Variants in CCDC30 observed in about 807,000 individuals in gnomAD.
CCDC30 encodes coiled-coil domain-containing protein 30.
CCDC30 carries 70 observed loss-of-function variants against 100.2 expected under a neutral mutation model. That is an observed-to-expected ratio of 0.70 (90% CI 0.58 to 0.85). The LOEUF is 0.85. Among genes scored for constraint, CCDC30 ranks in the 40% least tolerant of loss-of-function variants. The pLI, the probability that CCDC30 is intolerant of heterozygous loss-of-function variation, is 0.00. For synonymous variants in CCDC30, 233 were observed against 269.5 expected (o/e 0.86, Z 1.33); for missense variants, 652 against 771.2 (o/e 0.85, Z 1.83).
At chr1:42,510,765 G>A (rs1039165309) in intron 6 of CCDC30, among the ~76,000 whole-genome samples, 7 of 152,012 alleles carry the variant, frequency 4.6e-5, no homozygotes, top group African/African-American at 1.7e-4. Flanking sequence ...AAGGGAACTT[G>A]AGGGGGGCCC....
chr1:42,547,532 G>T (rs1052130135), intron 6 of CCDC30, among the ~76,000 whole-genome samples: 1 of 152,190 alleles, frequency 6.6e-6, no homozygotes, highest in East Asian at 1.9e-4. Context: ...CAAGGATGTG[G>T]CTTTAATTCA....
exon 12 of CCDC30, chr1:42,637,349 A>G (rs1364816417): frequency 1.2e-6 from 2 of 1,602,828 alleles, no homozygotes; most frequent in African/African-American, 1.4e-5. Context: ...TGAAGATGAA[A>G]TTGGAATCCT....
At chr1:42,602,221 A>C (rs1473659478) in intron 10 of CCDC30, among the ~76,000 whole-genome samples, 2 of 152,130 alleles carry the variant, frequency 1.3e-5, no homozygotes, top group African/African-American at 2.4e-5. Flanking sequence ...AGCTGAAAAA[A>C]AAAGAAATAA....
intron 6 of CCDC30, among the ~76,000 whole-genome samples, chr1:42,522,712 A>C (rs1644666664): frequency 6.6e-6 from 1 of 152,226 alleles, no homozygotes; most frequent in Non-Finnish European, 1.5e-5. Flanking sequence ...CTAACAACTA[A>C]AAAATAAATG....
the CCDC30 span, chr1:42,457,283 C>G: frequency 1.2e-6 from 2 of 1,614,198 alleles, no homozygotes; most frequent in Non-Finnish European, 1.7e-6. Flanking sequence ...GCGGCTGTGT[C>G]AGATTTCTAT....
chr1:42,528,390 T>C, intron 6 of CCDC30, among the ~76,000 whole-genome samples: 1 of 152,180 alleles, frequency 6.6e-6, no homozygotes, highest in East Asian at 1.9e-4. Context: ...AGGCTTGATA[T>C]GGGAAGCAGG....
At chr1:42,508,917 A>G (rs1023114892) in intron 6 of CCDC30, among the ~76,000 whole-genome samples, 10 of 152,326 alleles carry the variant, frequency 6.6e-5, no homozygotes, top group Admixed American at 1.3e-4. Context: ...GCTTTTAATC[A>G]AACTGAGCAC....
chr1:42,581,580 A>G, intron 9 of CCDC30, 66 bp downstream of exon 13: 4 of 1,437,382 alleles, frequency 2.8e-6, no homozygotes, highest in Non-Finnish European at 3.8e-6. Flanking sequence ...AGCAATATCA[A>G]TTTTTTCTAA....
At chr1:42,492,687 G>C (rs536041232) in intron 4 of CCDC30, among the ~76,000 whole-genome samples, 1 of 151,742 alleles carries the variant, frequency 6.6e-6, no homozygotes, top group Non-Finnish European at 1.5e-5. Flanking sequence ...TCACGTTGTC[G>C]CCCAGGCTGG....
intron 6 of CCDC30, among the ~76,000 whole-genome samples, chr1:42,504,777 C>G (rs1181353090): frequency 6.6e-6 from 1 of 152,108 alleles, no homozygotes; most frequent in Non-Finnish European, 1.5e-5. Context: ...TCTGACTTTT[C>G]CTAAACATCC....
chr1:42,542,383 TC>T (rs1405893962), intron 6 of CCDC30, among the ~76,000 whole-genome samples: 1 of 152,050 alleles, frequency 6.6e-6, no homozygotes, highest in Non-Finnish European at 1.5e-5. Flanking sequence ...CCTTTTTTTT[TC>T]TGAGATGAGG....
intron 4 of CCDC30, among the ~76,000 whole-genome samples, chr1:42,491,544 T>C (rs1644142549): frequency 6.6e-6 from 1 of 151,922 alleles, no homozygotes. Flanking sequence ...TAGTATTTGA[T>C]AGCACAACAG....
upstream of CCDC30, chr1:42,459,129 T>A (rs1643327056): frequency 6.6e-6 from 1 of 151,844 alleles, no homozygotes; most frequent in African/African-American, 2.4e-5. Flanking sequence ...AATTTAGGCA[T>A]CGCTGTGAAC....
intron 6 of CCDC30, among the ~76,000 whole-genome samples, chr1:42,509,618 G>A (rs1229897742): frequency 6.6e-6 from 1 of 152,156 alleles, no homozygotes; most frequent in Non-Finnish European, 1.5e-5. Flanking sequence ...AGCAAAGTTT[G>A]TTACTGAACA....
At chr1:42,490,112 T>C (rs1644114605) in intron 3 of CCDC30, 46 bp from the exon 4 acceptor site, 1 of 698,692 alleles carries the variant, frequency 1.4e-6, no homozygotes, top group South Asian at 7.4e-5. Context: ...TTGATTATTA[T>C]ACTAATCATT....
chr1:42,513,980 G>C (rs1453975527), intron 6 of CCDC30, among the ~76,000 whole-genome samples: 1 of 152,146 alleles, frequency 6.6e-6, no homozygotes, highest in Non-Finnish European at 1.5e-5. Flanking sequence ...ACTTATTACT[G>C]TGGGGAGGGT....
chr1:42,480,275 G>T (rs1394637732), intron 1 of CCDC30, among the ~76,000 whole-genome samples, 186 bp from the exon 2 acceptor site: 2 of 151,782 alleles, frequency 1.3e-5, no homozygotes, highest in Non-Finnish European at 2.9e-5. Flanking sequence ...CATATTTTTA[G>T]ATGCTATTAA....
At chr1:42,497,436 A>G (rs1644247535) in intron 5 of CCDC30, among the ~76,000 whole-genome samples, 1 of 152,198 alleles carries the variant, frequency 6.6e-6, no homozygotes, top group Non-Finnish European at 1.5e-5. Context: ...CATTGTTGCT[A>G]TCATGTAAAT....
At chr1:42,474,117 T>A (rs1240723301) in intron 1 of CCDC30, among the ~76,000 whole-genome samples, 1 of 152,228 alleles carries the variant, frequency 6.6e-6, no homozygotes, top group Non-Finnish European at 1.5e-5. Flanking sequence ...GTAACATTTT[T>A]AAATTTAATT....
Sources: allele counts gnomAD v4.1 joint callset (sites outside exome capture counted in the v4.1 genomes callset), GRCh38; gene constraint gnomAD v4.1.1; transcripts MANE v1.5; gene names NCBI Gene and HGNC (gene_info 2026-07-23, HGNC 2026-07-21).